Variants in DRC1 observed in about 807,000 individuals in gnomAD.
The protein encoded by DRC1 is dynein regulatory complex protein 1.
In DRC1, 74 loss-of-function variants were observed where a neutral mutation model predicts 98.7. The ratio of observed to expected loss-of-function variants is 0.75; its 90% CI spans 0.62 to 0.91. The LOEUF is 0.91. Ranked by LOEUF, DRC1 falls within the 40% of genes least tolerant of loss-of-function variation. The pLI, the probability that DRC1 is intolerant of heterozygous loss-of-function variation, is 0.00. For synonymous variants in DRC1, 336 were observed against 334.1 expected, an observed-to-expected ratio of 1.01 and a Z score of -0.06; for missense variants, 875 against 886.0, an observed-to-expected ratio of 0.99 and a Z score of 0.16.
intron 13 of DRC1, among the ~76,000 whole-genome samples, chr2:26,452,582 A>T (rs532637512): frequency 2.6e-4 from 40 of 152,320 alleles, no homozygotes; most frequent in African/African-American, 9.1e-4. Flanking sequence ...TGGTGTATTT[A>T]TTGTAGCTGA....
At chr2:26,439,020 C>G (rs1663644072) in intron 7 of DRC1, among the ~76,000 whole-genome samples, 1 of 152,158 alleles carries the variant, frequency 6.6e-6, no homozygotes, top group Admixed American at 6.6e-5. Flanking sequence ...CCCTGCCTAA[C>G]ATTTTCAGTG....
In DRC1 at chr2:26,440,529, T is replaced by G; in HGVS notation, c.1028+12T>G. On this transcript the variant is annotated intron_variant, in intron 8 of 16. Transcript: ENST00000288710. ...AGGAAGATCAATCGGTAAGCTAGCATGCAGAGCGTCTTTCTTCTGGGCCTT... is the reference window on the plus strand; with the variant it reads ...AGGAAGATCAATCGGTAAGCTAGCAGGCAGAGCGTCTTTCTTCTGGGCCTT... The G allele has an allele frequency of 6.2e-7, 1 of 1,607,388 alleles. No individual in the cohort carries two copies. The highest frequency in any genetic ancestry group is 8.5e-7 in the Non-Finnish European group (1 of 1,176,236).
At position 26,430,454 on chromosome 2, in the gene DRC1, G is replaced by A. The variant is rs778266063; in HGVS notation, c.679-332G>A. The A allele has an allele frequency of 2.4e-4, 119 of 486,266 alleles. 1 individual carries two copies. Among genetic ancestry groups the A allele is most frequent in the Non-Finnish European group, 4.0e-4 (95 of 237,914 alleles). 30.1% of individuals were successfully genotyped at this position (486,266 alleles called of 1,614,324 possible). A position where few individuals can be genotyped will look rare whatever the true frequency, so the allele number is the denominator to read the frequency against. On this transcript the variant is annotated intron_variant, in intron 5 of 16. Coordinates refer to ENST00000288710, the MANE Select transcript of DRC1 (RefSeq NM_145038.5). ...CATGGCAACGAACGCATCAGTGGTA[G>A]TCACAGTTGAATTACACACCATGGC...
intron 7 of DRC1, 31 bp downstream of exon 7, chr2:26,432,037 G>C (rs1236817956): frequency 1.2e-6 from 2 of 1,607,582 alleles, no homozygotes; most frequent in East Asian, 2.2e-5. Flanking sequence ...TAGGGTGCCT[G>C]GGTGGCGGAG....
intron 7 of DRC1, among the ~76,000 whole-genome samples, chr2:26,439,166 A>AC (rs1401046741): frequency 6.6e-6 from 1 of 151,026 alleles, no homozygotes; most frequent in Non-Finnish European, 1.5e-5. Context: ...CAAAGCACCC[A>AC]CCCCCCTTGC....
chr2:26,450,736 T>G, intron 13 of DRC1, 55 bp downstream of exon 13: 3 of 1,415,868 alleles, frequency 2.1e-6, no homozygotes, highest in Non-Finnish European at 2.8e-6. Flanking sequence ...ATTTATTTAT[T>G]TATTTTATTA....
intron 3 of DRC1, among the ~76,000 whole-genome samples, chr2:26,423,815 G>A (rs1054147247): frequency 6.6e-6 from 1 of 152,182 alleles, no homozygotes; most frequent in Non-Finnish European, 1.5e-5. Flanking sequence ...TTTCATCCAC[G>A]CCATTTTACA....
intron 7 of DRC1, among the ~76,000 whole-genome samples, chr2:26,435,038 G>A (rs1663535821): frequency 1.3e-5 from 2 of 152,212 alleles, no homozygotes; most frequent in Admixed American, 6.5e-5. Context: ...TTAGGGTCGA[G>A]ATTGTGGTAA....
intron 5 of DRC1, 38 bp from the exon 6 acceptor site, chr2:26,430,747 CA>C: frequency 3.1e-6 from 5 of 1,606,862 alleles, no homozygotes; most frequent in Non-Finnish European, 4.3e-6. Context: ...CCTGCCCAAT[CA>C]AAACAGATGC....
intron 8 of DRC1, 69 bp downstream of exon 8, chr2:26,440,586 T>G: frequency 6.7e-7 from 1 of 1,484,058 alleles, no homozygotes; most frequent in South Asian, 1.5e-5. Context: ...ATATGTACTT[T>G]TTTCTATTGA....
intron 1 of DRC1, among the ~76,000 whole-genome samples, chr2:26,410,641 A>G (rs1433357316): frequency 6.6e-6 from 1 of 152,172 alleles, no homozygotes; most frequent in Non-Finnish European, 1.5e-5. Context: ...TGGAGCAGGG[A>G]GCATATTATC....
rs373963153 is a variant in DRC1, at chr2:26,440,351, A to G, written c.889-27A>G. 9.5e-4 allele frequency: 1,398 copies of G among 1,473,864 alleles called. 18 individuals are homozygous for G. In the African/African-American group the frequency reaches 0.018, roughly 18 times the overall value. 91.3% of individuals were successfully genotyped at this position (1,473,864 alleles called of 1,614,324 possible). ...TGTGTGTGTGTGTGTGTGTGTATAT[A>G]TATATATATAGTTTTTTTAACTTTA... On this transcript the variant is annotated intron_variant, in intron 7 of 16. Transcript: ENST00000288710.
At chr2:26,424,659 T>A (rs2147987631) in intron 4 of DRC1, among the ~76,000 whole-genome samples, 1 of 152,284 alleles carries the variant, frequency 6.6e-6, no homozygotes, top group Middle Eastern at 3.4e-3. Flanking sequence ...TTTTAAAGTG[T>A]ATAGTTCATG....
Position 26,424,277 on chromosome 2 carries a change from G to T in DRC1, c.363G>T (p.Glu121Asp). 1 of 1,613,996 alleles carries T rather than the reference G, an allele frequency of 6.2e-7. No individual in the cohort carries two copies. The highest frequency in any genetic ancestry group is 1.3e-5 in the African/African-American group (1 of 74,998). The change falls in exon 4 of 17, where the codon GAG becomes GAT. Residue 121 changes from glutamate (E) to aspartate (D), a missense_variant. By Grantham distance (45) the Glu-to-Asp change is conservative. Coordinates refer to ENST00000288710, the MANE Select transcript of DRC1 (RefSeq NM_145038.5). The part of the protein sequence containing the change: ...EEEEIKRQRI[E>D]KLENEVKTSQ... Reference sequence around the variant, plus strand: ...GGCATGTATGTATTTGCAGGATTGAGAAGCTGGAGAATGAAGTTAAGACCA... The same window carrying T: ...GGCATGTATGTATTTGCAGGATTGATAAGCTGGAGAATGAAGTTAAGACCA...
chr2:26,451,727 G>A (rs1664012348), intron 13 of DRC1, among the ~76,000 whole-genome samples: 1 of 151,980 alleles, frequency 6.6e-6, no homozygotes, highest in South Asian at 2.1e-4. Flanking sequence ...AAAAAGAGCT[G>A]GCAGAAATGG....
At position 26,456,601 on chromosome 2, in the gene DRC1, G is replaced by A. The variant is rs1476081285; in HGVS notation, c.*84G>A. 16 of 1,530,428 alleles carry A rather than the reference G, an allele frequency of 1.0e-5. No homozygotes were observed. The highest frequency in any genetic ancestry group is 3.4e-5 in the Admixed American group (2 of 58,390). 94.8% of individuals were successfully genotyped at this position (1,530,428 alleles called of 1,614,324 possible). On this transcript the variant is annotated 3_prime_UTR_variant, in exon 17 of 17. Coordinates refer to ENST00000288710, the MANE Select transcript of DRC1 (RefSeq NM_145038.5). ...GCCAGCTCATATCACCCACTGGGCC[G>A]CACCTGGGCCTGCTCTCTGGATTTT...
At chr2:26,445,649 G>GTTATTTAT (rs534645068) in intron 10 of DRC1, among the ~76,000 whole-genome samples, 8 of 151,620 alleles carry the variant, frequency 5.3e-5, no homozygotes, top group South Asian at 4.2e-4. Context: ...AGCCCTAGTA[G>GTTATTTAT]TTATTTATTT....
At chr2:26,414,566 A>C (rs1183480757) in intron 2 of DRC1, 135 bp downstream of exon 2, 4 of 741,224 alleles carry the variant, frequency 5.4e-6, no homozygotes, top group Non-Finnish European at 8.7e-6. Context: ...AATCTTTCCC[A>C]TTTGAGAGCT....
chr2:26,456,315 C>T, intron 16 of DRC1, 146 bp from the exon 17 acceptor site: 1 of 945,578 alleles, frequency 1.1e-6, no homozygotes, highest in East Asian at 2.5e-5. Context: ...GGGAGGCAGT[C>T]TGTGGGTGTT....
Sources: gnomAD v4.1 joint callset for allele counts (sites outside exome capture counted in the v4.1 genomes callset) on GRCh38, gnomAD v4.1.1 for gene constraint, MANE v1.5 for transcripts, NCBI Gene and HGNC (gene_info 2026-07-23, HGNC 2026-07-21) for gene names.